Variants in ABCA12 observed in about 807,000 individuals in gnomAD.
The protein encoded by ABCA12 is ATP binding cassette subfamily A member 12.
Under a neutral mutation model 293.5 loss-of-function variants are expected in ABCA12, and 156 were observed. The observed-to-expected ratio is 0.53, with a 90% CI of 0.47 to 0.61. The LOEUF (loss-of-function observed/expected upper bound fraction) is 0.61, where lower values mean the gene tolerates loss of function less well. ABCA12 is among the 20% of genes least tolerant of loss of function. The probability of loss-of-function intolerance (pLI) is 0.00; values close to 1 mark genes in which losing one functional copy is unlikely to be tolerated. For missense variants in ABCA12, 2,797 were observed against 3,090.2 expected, an observed-to-expected ratio of 0.91 and a Z score of 2.25; for synonymous variants, 1,063 against 1,108.0, an observed-to-expected ratio of 0.96 and a Z score of 0.81.
chr2:215,073,382 T>G (rs949327051), intron 2 of ABCA12, among the ~76,000 whole-genome samples: 2 of 152,112 alleles, frequency 1.3e-5, no homozygotes, highest in Non-Finnish European at 2.9e-5. Flanking sequence ...ACATTCTCCC[T>G]CTAAAATTTA....
chr2:215,073,601 A>G (rs552774630), intron 2 of ABCA12, among the ~76,000 whole-genome samples: 9 of 152,088 alleles, frequency 5.9e-5, no homozygotes, highest in African/African-American at 1.7e-4. Flanking sequence ...CTTTCCACAG[A>G]TCCAGCAACA....
chr2:215,069,191 A>T (rs112536573), intron 2 of ABCA12, among the ~76,000 whole-genome samples: 3 of 18,214 alleles, frequency 1.6e-4, no homozygotes, highest in Non-Finnish European at 3.1e-4. Context: ...TCTGACTTTT[A>T]AAAAAAAAAA....
At chr2:215,011,737 T>TA (rs1190063436) in intron 16 of ABCA12, 88 bp from the exon 17 acceptor site, 106 of 1,270,300 alleles carry the variant, frequency 8.3e-5, no homozygotes, top group Middle Eastern at 7.4e-4. Context: ...TGATAATACT[T>TA]AGAGTATCCT....
chr2:215,134,063 AAG>A (rs1203986220), intron 1 of ABCA12, among the ~76,000 whole-genome samples: 1 of 152,060 alleles, frequency 6.6e-6, no homozygotes, highest in African/African-American at 2.4e-5. Flanking sequence ...TACAAAAAAA[AAG>A]AGAGAGACAT....
intron 8 of ABCA12, chr2:215,032,105 A>G: frequency 1.4e-6 from 2 of 1,419,690 alleles, no homozygotes; most frequent in Middle Eastern, 2.6e-4. Context: ...ACTGATCAAA[A>G]TAATCCCGAT....
chr2:215,066,967 T>A (rs1363347067), intron 2 of ABCA12, among the ~76,000 whole-genome samples: 1 of 152,160 alleles, frequency 6.6e-6, no homozygotes, highest in Non-Finnish European at 1.5e-5. Context: ...CCTTGACATC[T>A]ATAATATACT....
chr2:215,000,828 C>T lies in ABCA12; in HGVS notation c.3056G>A (p.Arg1019Lys). ...ACTATCCTGTAAATAAATAAAAGCC[C>T]TGCCATAGATCTGGTTGTGTGATGG... is the stretch of plus-strand genomic sequence containing the variant. Reference protein sequence around the residue: ...NSPSHNQIYGRAFIYLQDSIE... With the variant: ...NSPSHNQIYGKAFIYLQDSIE... The change falls in exon 22 of 53, where the codon AGG becomes AAG. Residue 1019 changes from arginine (R) to lysine (K), a missense_variant. Arg to Lys is a conservative substitution (Grantham distance 26, BLOSUM62 2). Transcript: ENST00000272895. 1 of 1,614,068 alleles carries T rather than the reference C, an allele frequency of 6.2e-7. No homozygotes were observed. Among genetic ancestry groups the T allele is most frequent in the Non-Finnish European group, 8.5e-7 (1 of 1,179,990 alleles).
chr2:214,951,654 G>A (rs1698775843), intron 44 of ABCA12, among the ~76,000 whole-genome samples: 1 of 152,196 alleles, frequency 6.6e-6, no homozygotes, highest in African/African-American at 2.4e-5. Context: ...CTACTCAGAA[G>A]GCTGAGGCAG....
At chr2:215,053,130 C>T (rs1701353098) in intron 4 of ABCA12, among the ~76,000 whole-genome samples, 1 of 151,994 alleles carries the variant, frequency 6.6e-6, no homozygotes, top group African/African-American at 2.4e-5. Flanking sequence ...GGACTACATA[C>T]AGTATACTCT....
At chr2:214,967,900 A>G (rs977275450) in intron 38 of ABCA12, among the ~76,000 whole-genome samples, 6 of 152,114 alleles carry the variant, frequency 3.9e-5, no homozygotes, top group Admixed American at 6.6e-5. Context: ...TTAAATCCCT[A>G]TGACTACCAT....
At chr2:215,032,346 C>T (rs1463691911) in intron 8 of ABCA12, 1 of 200,028 alleles carries the variant, frequency 5.0e-6, no homozygotes, top group Non-Finnish European at 1.0e-5. Context: ...TCTGCCATCA[C>T]TAATCTATAT....
At chr2:215,050,828 T>C (rs906659832) in intron 5 of ABCA12, 1 of 985,320 alleles carries the variant, frequency 1.0e-6, no homozygotes, top group Non-Finnish European at 1.2e-6. Flanking sequence ...CTTGCAAGTG[T>C]TGCAGAAAGC....
intron 7 of ABCA12, among the ~76,000 whole-genome samples, chr2:215,040,135 C>T (rs564719786): frequency 6.6e-6 from 1 of 152,184 alleles, no homozygotes; most frequent in South Asian, 2.1e-4. Context: ...TCCTTAGGCA[C>T]ACTAGCACAT....
intron 19 of ABCA12, 36 bp from the exon 20 acceptor site, chr2:215,004,335 A>T (rs1444839648): frequency 2.0e-6 from 3 of 1,505,782 alleles, no homozygotes; most frequent in Non-Finnish European, 2.8e-6. Context: ...TTTCAATACA[A>T]GAAAAATCAT....
intron 2 of ABCA12, among the ~76,000 whole-genome samples, chr2:215,097,182 T>C (rs532780875): frequency 1.7e-4 from 26 of 152,212 alleles, no homozygotes; most frequent in Non-Finnish European, 3.7e-4. Flanking sequence ...CTTCACGAAA[T>C]TGTTCATTCT....
intron 2 of ABCA12, among the ~76,000 whole-genome samples, chr2:215,090,956 C>G (rs1350968188): frequency 2.6e-5 from 4 of 152,106 alleles, no homozygotes; most frequent in African/African-American, 9.7e-5. Flanking sequence ...AATACAAACT[C>G]GACAATGGTT....
In ABCA12 at chr2:215,049,755, A is replaced by G. The variant is rs765867091; in HGVS notation, c.564T>C (p.Tyr188=). Residue 188 remains tyrosine, a synonymous_variant, in exon 6 of 53, where the codon TAT becomes TAC. Transcript: ENST00000272895. ...EDIRRELCDS[Y]SGYIVDDAFS... is the part of the protein sequence containing the mutation. ...AGGCATCATCCACAATGTATCCTGA[A>G]TAGCTGTCACATAGTTCTCTTCGTA... 1.9e-6 allele frequency: 3 copies of G among 1,613,668 alleles called. No homozygotes were observed. The South Asian group carries it at 3.3e-5, about 18-fold the overall frequency.
At chr2:215,085,532 A>C in intron 2 of ABCA12, 1 of 152,236 alleles carries the variant, frequency 6.6e-6, no homozygotes, top group East Asian at 1.9e-4. Flanking sequence ...GGGTACAGTG[A>C]GTGCTCTTTC....
intron 15 of ABCA12, chr2:215,013,728 A>T (rs1403955404): frequency 1.3e-5 from 2 of 153,618 alleles, no homozygotes; most frequent in Non-Finnish European, 2.9e-5. Flanking sequence ...TGTCATATGC[A>T]TTGTAGGTTA....
Sources: allele counts gnomAD v4.1 joint callset (sites outside exome capture counted in the v4.1 genomes callset), GRCh38; gene constraint gnomAD v4.1.1; transcripts MANE v1.5; gene names NCBI Gene and HGNC (gene_info 2026-07-23, HGNC 2026-07-21).